The following CHSY1 variants were observed in gnomAD, a reference collection of about 807,000 sequenced individuals.
CHSY1 encodes N-acetylgalactosaminyl-proteoglycan 3-beta-glucuronosyltransferase 1.
Under a neutral mutation model 59.8 loss-of-function variants are expected in CHSY1, and 13 were observed. That is an observed-to-expected ratio of 0.22 (90% CI 0.14 to 0.35). The LOEUF (loss-of-function observed/expected upper bound fraction) is 0.35, where lower values mean the gene tolerates loss of function less well. CHSY1 is among the 10% of genes least tolerant of loss of function. The pLI is 1.00. For missense variants in CHSY1, 947 were observed against 1,030.6 expected (o/e 0.92, Z 1.11); for synonymous variants, 459 against 401.2 (o/e 1.14, Z -1.72).
At chr15:101,203,725 C>G (rs2038596292) in intron 2 of CHSY1, among the ~76,000 whole-genome samples, 1 of 152,168 alleles carries the variant, frequency 6.6e-6, no homozygotes, top group African/African-American at 2.4e-5. Flanking sequence ...ATGTGAGGCA[C>G]TGAGGACACA....
chr15:101,216,658 T>C (rs2038736452), intron 2 of CHSY1, among the ~76,000 whole-genome samples: 1 of 152,190 alleles, frequency 6.6e-6, no homozygotes, highest in Non-Finnish European at 1.5e-5. Context: ...TCCAATTATA[T>C]GACATCCTGG....
At position 101,235,283 on chromosome 15, in the gene CHSY1, T is replaced by C. The variant is rs764225372; in HGVS notation, c.615A>G (p.Glu205=). ...FLGQTGLGTT[E]EMGKLALEPG... is the part of the protein sequence containing the mutation. Reference sequence around the variant, plus strand: ...GCTCCAGGGCCAGTTTTCCCATTTCTTCCGTGGTGCCCAGGCCTGTCTGCC... The same window carrying C: ...GCTCCAGGGCCAGTTTTCCCATTTCCTCCGTGGTGCCCAGGCCTGTCTGCC... The change falls in exon 2 of 3, where the codon GAA becomes GAG. Residue 205 remains glutamate (E), a synonymous_variant. Transcript: ENST00000254190. 1.2e-6 allele frequency: 2 copies of C among 1,614,200 alleles called. No homozygotes were observed. The highest frequency in any genetic ancestry group is 1.7e-6 in the Non-Finnish European group (2 of 1,180,044).
intron 2 of CHSY1, among the ~76,000 whole-genome samples, chr15:101,188,736 G>A (rs1226567387): frequency 6.6e-6 from 1 of 152,198 alleles, no homozygotes; most frequent in African/African-American, 2.4e-5. Context: ...GCTGTTGCTA[G>A]TAATTCAAGG....
chr15:101,223,054 C>T (rs543376920), intron 2 of CHSY1, among the ~76,000 whole-genome samples: 13 of 152,324 alleles, frequency 8.5e-5, no homozygotes, highest in African/African-American at 2.2e-4. Flanking sequence ...AGTGCAGTGG[C>T]GCTGTCTGGG....
intron 2 of CHSY1, among the ~76,000 whole-genome samples, chr15:101,231,318 T>G (rs946863824): frequency 3.3e-5 from 5 of 152,228 alleles, no homozygotes; most frequent in African/African-American, 9.6e-5. Context: ...TGGTAGGTAT[T>G]ACGCTACCAT....
chr15:101,245,592 G>A (rs1388069343), intron 1 of CHSY1, among the ~76,000 whole-genome samples: 1 of 152,208 alleles, frequency 6.6e-6, no homozygotes, highest in Non-Finnish European at 1.5e-5. Flanking sequence ...ACAGACAGGG[G>A]AACGTGAAGC....
chr15:101,188,167 C>G, intron 2 of CHSY1: 1 of 985,438 alleles, frequency 1.0e-6, no homozygotes, highest in Non-Finnish European at 1.2e-6. Flanking sequence ...CCCATTCGGA[C>G]TTAGGCAGCG....
chr15:101,247,730 C>T (rs1257044497), intron 1 of CHSY1, among the ~76,000 whole-genome samples: 3 of 152,174 alleles, frequency 2.0e-5, no homozygotes, highest in African/African-American at 4.8e-5. Context: ...TATCAGCTGT[C>T]ACTGCCCTGC....
chr15:101,224,311 C>T (rs2038818007), intron 2 of CHSY1, among the ~76,000 whole-genome samples: 1 of 152,176 alleles, frequency 6.6e-6, no homozygotes, highest in South Asian at 2.1e-4. Flanking sequence ...ATATATAAAA[C>T]ATTAACCTAT....
chr15:101,220,336 T>A (rs1002581764), intron 2 of CHSY1, among the ~76,000 whole-genome samples: 1 of 152,158 alleles, frequency 6.6e-6, no homozygotes, highest in Non-Finnish European at 1.5e-5. Context: ...TGTACTTAAA[T>A]ACCATCAATA....
chr15:101,209,830 A>G (rs183751931), intron 2 of CHSY1, among the ~76,000 whole-genome samples: 14 of 152,376 alleles, frequency 9.2e-5, no homozygotes, highest in South Asian at 6.2e-4. Context: ...GGACAACACT[A>G]TAAGCTAAAA....
At position 101,176,276 on chromosome 15, in the gene CHSY1, T is replaced by C; in HGVS notation, c.*1112A>G. Reference sequence around the variant, plus strand: ...TACAAAGGATAAAACAAAACAGTAATGAAAGAATGAAAACCATCTCCACCC... The same window carrying C: ...TACAAAGGATAAAACAAAACAGTAACGAAAGAATGAAAACCATCTCCACCC... On this transcript the variant is annotated 3_prime_UTR_variant, in exon 3 of 3. Coordinates refer to ENST00000254190, the MANE Select transcript of CHSY1 (RefSeq NM_014918.5). 1 of 398,298 alleles carries C rather than the reference T, an allele frequency of 2.5e-6. No homozygotes were observed. The highest frequency in any genetic ancestry group is 4.4e-6 in the Non-Finnish European group (1 of 225,960). 24.7% of individuals were successfully genotyped at this position (398,298 alleles called of 1,614,324 possible). A position where few individuals can be genotyped will look rare whatever the true frequency, so the allele number is the denominator to read the frequency against.
intron 2 of CHSY1, among the ~76,000 whole-genome samples, chr15:101,231,435 C>G (rs117450417): frequency 6.6e-6 from 1 of 152,116 alleles, no homozygotes; most frequent in African/African-American, 2.4e-5. Flanking sequence ...GCCCAGGGGC[C>G]GGAGGCAGAG....
intron 2 of CHSY1, among the ~76,000 whole-genome samples, chr15:101,216,763 G>A (rs1012944557): frequency 6.7e-6 from 1 of 149,146 alleles, no homozygotes; most frequent in African/African-American, 2.5e-5. Flanking sequence ...TGAAACACAA[G>A]GATTTGTAGG....
At chr15:101,189,017 G>C (rs1567089492) in intron 2 of CHSY1, among the ~76,000 whole-genome samples, 1 of 152,312 alleles carries the variant, frequency 6.6e-6, no homozygotes, top group East Asian at 1.9e-4. Flanking sequence ...TCTTTAAACA[G>C]ATGAGGTCCT....
Position 101,235,310 on chromosome 15 carries a change from A to G in CHSY1, c.588T>C (p.Leu196=). 2 of 1,614,154 alleles carry G rather than the reference A, an allele frequency of 1.2e-6. No individual in the cohort carries two copies. The highest frequency in any genetic ancestry group is 2.2e-5 in the South Asian group (2 of 91,076). Residue 196 remains leucine (L), a synonymous_variant, in exon 2 of 3, where the codon CTT becomes CTC. Transcript: ENST00000254190. Reference sequence around the variant, plus strand: ...CCGTGGTGCCCAGGCCTGTCTGCCCAAGAAAGAGGGGCTCGCTGCTGTTCA... The same window carrying G: ...CCGTGGTGCCCAGGCCTGTCTGCCCGAGAAAGAGGGGCTCGCTGCTGTTCA... The part of the protein sequence containing the change: ...RSLNSSEPLF[L]GQTGLGTTEE...
Position 101,239,142 on chromosome 15 carries a change from T to G in CHSY1, c.321-3565A>C, listed in dbSNP as rs143927118. Among the ~76,000 whole-genome samples, 257 of 152,360 alleles carry G rather than the reference T, an allele frequency of 1.7e-3. 4 individuals carry two copies. In the East Asian group the frequency reaches 0.044, roughly 26 times the overall value. On this transcript the variant is annotated intron_variant, in intron 1 of 2. Coordinates refer to ENST00000254190, the MANE Select transcript of CHSY1 (RefSeq NM_014918.5). ...TTTCATTTGGCAGTCGCAACAATTCTTTGAAAATGTAAATAATTTCAGTGC... is the reference window on the plus strand; with the variant it reads ...TTTCATTTGGCAGTCGCAACAATTCGTTGAAAATGTAAATAATTTCAGTGC...
intron 1 of CHSY1, among the ~76,000 whole-genome samples, chr15:101,236,805 A>C (rs367809030): frequency 6.6e-5 from 10 of 152,130 alleles, no homozygotes; most frequent in African/African-American, 2.2e-4. Flanking sequence ...AGCCTGGGAG[A>C]CAGAGCAAGA....
chr15:101,235,905 A>G (rs757187496), intron 1 of CHSY1, among the ~76,000 whole-genome samples: 2 of 152,150 alleles, frequency 1.3e-5, no homozygotes, highest in Non-Finnish European at 2.9e-5. Context: ...CTACCTAAGA[A>G]CTTCTCAACT....
Sources: allele counts gnomAD v4.1 joint callset (sites outside exome capture counted in the v4.1 genomes callset), GRCh38; gene constraint gnomAD v4.1.1; transcripts MANE v1.5; gene names NCBI Gene and HGNC (gene_info 2026-07-23, HGNC 2026-07-21).